The following CELF6 variants were observed in gnomAD, a reference collection of about 807,000 sequenced individuals.
CELF6 encodes Bruno -like 6, RNA binding protein.
In CELF6, 32 loss-of-function variants were observed where a neutral mutation model predicts 53.1. The observed-to-expected ratio is 0.60, with a 90% CI of 0.46 to 0.81. CELF6 has a LOEUF of 0.81. CELF6 is among the 30% of genes least tolerant of loss of function. The pLI is 0.00. For synonymous variants in CELF6, 291 were observed against 288.8 expected, an observed-to-expected ratio of 1.01 and a Z score of -0.08; for missense variants, 539 against 669.5, an observed-to-expected ratio of 0.81 and a Z score of 2.15.
chr15:72,289,002 G>A lies in CELF6; in HGVS notation c.1031-72C>T, dbSNP rs1001992710. On this transcript the variant is annotated intron_variant, in intron 8 of 12. Coordinates refer to ENST00000287202, the MANE Select transcript of CELF6 (RefSeq NM_052840.5). The surrounding 1 kb of genome is among the most constrained non-coding windows in gnomAD (Gnocchi z 7.6). ...GCAGAGTGGGTGAGAAGCTCAGGGA[G>A]TGTGGGAGGTGGACGGCGGCTGTGA... 17 of 1,400,662 alleles carry A rather than the reference G, an allele frequency of 1.2e-5. No homozygotes were observed. Among genetic ancestry groups the A allele is most frequent in the Admixed American group, 6.4e-5 (3 of 46,840 alleles). 86.8% of individuals were successfully genotyped at this position (1,400,662 alleles called of 1,614,324 possible). A position where few individuals can be genotyped will look rare whatever the true frequency, so the allele number is the denominator to read the frequency against.
chr15:72,292,270 G>A, intron 3 of CELF6: 1 of 1,532,276 alleles, frequency 6.5e-7, no homozygotes. Context: ...AGGAGCCTGA[G>A]AAGACAGGAA....
chr15:72,287,465 C>A, intron 11 of CELF6, 73 bp from the exon 12 acceptor site: 1 of 1,574,202 alleles, frequency 6.4e-7, no homozygotes, highest in Non-Finnish European at 8.7e-7. Context: ...GACCAGCCCC[C>A]TCCTCTTCCA....
Position 72,288,326 on chromosome 15 carries a change from T to A in CELF6, c.1300A>T (p.Asn434Tyr). The A allele has an allele frequency of 6.2e-7, 1 of 1,614,124 alleles. No homozygotes were observed. Among genetic ancestry groups the A allele is most frequent in the South Asian group, 1.1e-5 (1 of 91,086 alleles). Residue 434 changes from asparagine (N) to tyrosine (Y), a missense_variant, in exon 11 of 13, where the codon AAC becomes TAC. This residue lies in a region of CELF6 where 358 missense variants were observed against 412.8 expected (regional missense o/e 0.87). Coordinates refer to ENST00000287202, the MANE Select transcript of CELF6 (RefSeq NM_052840.5). This position sits in a 1 kb window ranked among gnomAD's most constrained non-coding sequence, Gnocchi z 4.6. ...SAKVFVDRAT[N>Y]QSKCFGFVSF... ...AGCTCACCAAAACACTTGCTCTGGT[T>A]GGTGGCTCGATCCACAAAGACTTTA...
At chr15:72,303,695 G>T (rs2088186329) in intron 3 of CELF6, among the ~76,000 whole-genome samples, 1 of 152,094 alleles carries the variant, frequency 6.6e-6, no homozygotes, top group East Asian at 1.9e-4. Context: ...ATCAGGGAGG[G>T]CTATAGGCTG....
chr15:72,301,853 C>G (rs1020093007), intron 3 of CELF6, among the ~76,000 whole-genome samples: 32 of 151,112 alleles, frequency 2.1e-4, no homozygotes, highest in Non-Finnish European at 7.4e-5. Flanking sequence ...TCTCCCGTCT[C>G]AGCCTCCTGA....
At chr15:72,290,720 G>T (rs1300052934) in intron 3 of CELF6, among the ~76,000 whole-genome samples, 1 of 152,182 alleles carries the variant, frequency 6.6e-6, no homozygotes, top group Non-Finnish European at 1.5e-5. Flanking sequence ...GCCTGATAGT[G>T]CTGGCTAGAA....
intron 2 of CELF6, among the ~76,000 whole-genome samples, chr15:72,311,264 G>A (rs1485094474): frequency 6.6e-6 from 1 of 151,596 alleles, no homozygotes; most frequent in Non-Finnish European, 1.5e-5. Flanking sequence ...GCCTCCCAAA[G>A]CGCTGGGATT....
Position 72,288,450 on chromosome 15 carries a change from G to A in CELF6, c.1176C>T (p.Gly392=). The A allele has an allele frequency of 1.2e-6, 2 of 1,614,196 alleles. No homozygotes were observed. The highest frequency in any genetic ancestry group is 2.2e-5 in the South Asian group (2 of 91,084). The change falls in exon 11 of 13, where the codon GGC becomes GGT. Residue 392 remains glycine (G), a splice_region_variant and synonymous_variant. Transcript: ENST00000287202. The surrounding 1 kb of genome is among the most constrained non-coding windows in gnomAD (Gnocchi z 4.6). ...AGATGAAGAGGTTACAGCCTTCGGGGCCTGGAGGAACAGTAGCAAGCTGGT... is the reference window on the plus strand; with the variant it reads ...AGATGAAGAGGTTACAGCCTTCGGGACCTGGAGGAACAGTAGCAAGCTGGT... ...PSALPQQQRE[G]PEGCNLFIYH...
intron 2 of CELF6, 145 bp downstream of exon 2, chr15:72,315,700 C>T (rs2088353690): frequency 2.0e-6 from 1 of 511,310 alleles, no homozygotes; most frequent in Non-Finnish European, 3.4e-6. Flanking sequence ...TGTTGCTGTT[C>T]AGGGTACAGG....
rs1375728052 is a variant in CELF6, at chr15:72,289,379, C to T, written c.876G>A (p.Ala292=). The change falls in exon 7 of 13, where the codon GCG becomes GCA. Residue 292 remains alanine (A), a synonymous_variant. Coordinates refer to ENST00000287202, the MANE Select transcript of CELF6 (RefSeq NM_052840.5). This position sits in a 1 kb window ranked among gnomAD's most constrained non-coding sequence, Gnocchi z 7.6. ...CCCAGTCCCTGGGGGCCGTACCTGCCGCGGGCAACAGAGGCGCAGCTACCA... is the reference window on the plus strand; with the variant it reads ...CCCAGTCCCTGGGGGCCGTACCTGCTGCGGGCAACAGAGGCGCAGCTACCA... ...FSLVAAPLLP[A]AAANSPPGSG... is the part of the protein sequence containing the mutation. The T allele has an allele frequency of 1.4e-5, 22 of 1,553,100 alleles. No individual in the cohort carries two copies. The highest frequency in any genetic ancestry group is 1.9e-5 in the Admixed American group (1 of 52,606).
In CELF6 at chr15:72,319,759, G is replaced by C. The variant is rs150517327; in HGVS notation, c.116C>G (p.Pro39Arg). The change falls in exon 1 of 13, where the codon CCC becomes CGC. Residue 39 changes from proline (P) to arginine (R), a missense_variant. This residue lies in a region of CELF6 where 84 missense variants were observed against 87.9 expected (regional missense o/e 0.96). Transcript: ENST00000287202. This position sits in a 1 kb window ranked among gnomAD's most constrained non-coding sequence, Gnocchi z 5.0. ...MSGLNPGPAV[P>R]MKDHDAIKLF... The stretch of plus-strand genomic sequence containing the variant: ...CTTGATGGCGTCGTGGTCCTTCATG[G>C]GTACGGCGGGACCGGGGTTTAGCCC... 5 of 1,591,510 alleles carry C rather than the reference G, an allele frequency of 3.1e-6. No individual in the cohort carries two copies. Among genetic ancestry groups the C allele is most frequent in the African/African-American group, 1.3e-5 (1 of 74,440 alleles).
At chr15:72,287,050 A>T (rs969500486) in intron 12 of CELF6, among the ~76,000 whole-genome samples, 187 bp downstream of exon 12, 1 of 152,204 alleles carries the variant, frequency 6.6e-6, no homozygotes, top group Non-Finnish European at 1.5e-5. Flanking sequence ...ATGTTGTCCA[A>T]TTGATCTCCT....
At chr15:72,287,115 C>T (rs1163651118) in intron 12 of CELF6, 122 bp downstream of exon 12, 1 of 870,020 alleles carries the variant, frequency 1.1e-6, no homozygotes, top group East Asian at 2.5e-5. Flanking sequence ...GCTCCTGGCT[C>T]TTCTCTCTAT....
At chr15:72,299,242 A>G (rs1018808232) in intron 3 of CELF6, among the ~76,000 whole-genome samples, 3 of 152,092 alleles carry the variant, frequency 2.0e-5, no homozygotes, top group African/African-American at 7.2e-5. Context: ...TTTCAAAAAC[A>G]AAACAAAACA....
At chr15:72,314,117 C>G (rs1465259353) in intron 2 of CELF6, among the ~76,000 whole-genome samples, 1 of 152,134 alleles carries the variant, frequency 6.6e-6, no homozygotes, top group African/African-American at 2.4e-5. Flanking sequence ...CACTTAGTCC[C>G]CAAAAGTGAG....
At position 72,319,851 on chromosome 15, in the gene CELF6, T is replaced by C. The variant is rs2088406771; in HGVS notation, c.24A>G (p.Ser8=). The change falls in exon 1 of 13, where the codon TCA becomes TCG. Residue 8 remains serine (S), a synonymous_variant. Transcript: ENST00000287202. This position sits in a 1 kb window ranked among gnomAD's most constrained non-coding sequence, Gnocchi z 5.0. ...GCGGGCCGGGGCCAGCGGGCTGCGCTGACCCTCCCGGCGCCGCGGCCATGT... is the reference window on the plus strand; with the variant it reads ...GCGGGCCGGGGCCAGCGGGCTGCGCCGACCCTCCCGGCGCCGCGGCCATGT... MAAAPGG[S]AQPAGPGPRL... The C allele has an allele frequency of 6.5e-7, 1 of 1,529,384 alleles. No individual in the cohort carries two copies. Among genetic ancestry groups the C allele is most frequent in the Non-Finnish European group, 8.8e-7 (1 of 1,136,952 alleles). The allele number at this position is 1,529,384 out of a possible 1,614,324, so 94.7% of individuals were successfully genotyped here. A position where few individuals can be genotyped will look rare whatever the true frequency, so the allele number is the denominator to read the frequency against.
At position 72,288,676 on chromosome 15, in the gene CELF6, C is replaced by A. The variant is rs1477484478; in HGVS notation, c.1094-58G>T. ...CCAGGAGCCCTTCCCCAAGCAGGGC[C>A]CCAACTGCCTGGCCGCTTTTGACCA... On this transcript the variant is annotated intron_variant, in intron 9 of 12. Transcript: ENST00000287202. This position sits in a 1 kb window ranked among gnomAD's most constrained non-coding sequence, Gnocchi z 4.6. 1.3e-6 allele frequency: 2 copies of A among 1,500,282 alleles called. No individual in the cohort carries two copies. The highest frequency in any genetic ancestry group is 1.8e-6 in the Non-Finnish European group (2 of 1,102,136). The allele number at this position is 1,500,282 out of a possible 1,614,324, so 92.9% of individuals were successfully genotyped here. A position where few individuals can be genotyped will look rare whatever the true frequency, so the allele number is the denominator to read the frequency against.
At chr15:72,316,558 C>A (rs2088366515) in intron 1 of CELF6, among the ~76,000 whole-genome samples, 2 of 152,140 alleles carry the variant, frequency 1.3e-5, no homozygotes, top group Admixed American at 1.3e-4. Context: ...GATCTGTCAA[C>A]CCTCCTAGGG....
intron 3 of CELF6, among the ~76,000 whole-genome samples, chr15:72,301,765 C>G (rs1239119704): frequency 3.2e-5 from 4 of 123,260 alleles, no homozygotes; most frequent in African/African-American, 8.8e-5. Context: ...GAGACAGAGT[C>G]TCACTCTGTC....
Sources: gnomAD v4.1 joint callset for allele counts (sites outside exome capture counted in the v4.1 genomes callset) on GRCh38, gnomAD v4.1.1 for gene constraint, gnomAD v4.1.1 regional missense constraint, Gnocchi (gnomAD v3.1) non-coding constraint, MANE v1.5 for transcripts, NCBI Gene and HGNC (gene_info 2026-07-23, HGNC 2026-07-21) for gene names.